The following PDE4D variants were observed in gnomAD, a reference collection of about 807,000 sequenced individuals.
The protein encoded by PDE4D is 3',5'-cyclic-AMP phosphodiesterase 4D.
Under a neutral mutation model 87.4 loss-of-function variants are expected in PDE4D, and 24 were observed. That is an observed-to-expected ratio of 0.27 (90% CI 0.20 to 0.39). The LOEUF is 0.39. Ranked by LOEUF, PDE4D falls within the 10% of genes least tolerant of loss-of-function variation. The pLI, the probability that PDE4D is intolerant of heterozygous loss-of-function variation, is 1.00. For missense variants in PDE4D, 714 were observed against 1,041.0 expected (o/e 0.69, Z 4.32); for synonymous variants, 384 against 383.2 (o/e 1.00, Z -0.02).
chr5:60,404,161 C>CTTTTT (rs35780128), intron 1 of PDE4D, among the ~76,000 whole-genome samples: 17 of 119,392 alleles, frequency 1.4e-4, no homozygotes, highest in Non-Finnish European at 2.6e-4. Flanking sequence ...TCAGCCAATT[C>CTTTTT]TTTTTTTTTT....
chr5:59,100,604 T>C (rs987464460), intron 5 of PDE4D, among the ~76,000 whole-genome samples: 4 of 152,194 alleles, frequency 2.6e-5, no homozygotes, highest in Non-Finnish European at 5.9e-5. Flanking sequence ...TTCAGTTGAC[T>C]GTGAATACAG....
chr5:60,104,154 C>T (rs915490257), intron 2 of PDE4D, among the ~76,000 whole-genome samples: 2 of 152,198 alleles, frequency 1.3e-5, no homozygotes, highest in Admixed American at 6.5e-5. Flanking sequence ...GTCACTCCCA[C>T]CCAAATACTG....
intron 1 of PDE4D, among the ~76,000 whole-genome samples, chr5:59,581,042 C>G (rs1583208600): frequency 6.6e-6 from 1 of 152,092 alleles, no homozygotes; most frequent in South Asian, 2.1e-4. Context: ...GCTGGTACTT[C>G]TCAAACAACT....
intron 1 of PDE4D, among the ~76,000 whole-genome samples, chr5:59,771,466 A>AAAGAAAGAGAGAGAGAG (rs1763472423): frequency 1.3e-5 from 1 of 76,444 alleles, no homozygotes; most frequent in African/African-American, 5.9e-5. Flanking sequence ...AGAAAGAAAG[A>AAAGAAAGAGAGAGAGAG]AAGAAAGAAA....
chr5:59,931,948 G>T (rs1220860148), intron 3 of PDE4D, among the ~76,000 whole-genome samples: 1 of 152,062 alleles, frequency 6.6e-6, no homozygotes, highest in African/African-American at 2.4e-5. Context: ...TAATCTGCCC[G>T]CCTTGGCCTC....
chr5:59,517,180 A>G (rs1811317377), intron 1 of PDE4D, among the ~76,000 whole-genome samples: 1 of 152,190 alleles, frequency 6.6e-6, no homozygotes, highest in African/African-American at 2.4e-5. Flanking sequence ...AGGTCATCTC[A>G]TTTTAAGATT....
At chr5:60,380,943 C>T (rs957753966) in intron 1 of PDE4D, among the ~76,000 whole-genome samples, 3 of 152,128 alleles carry the variant, frequency 2.0e-5, no homozygotes, top group East Asian at 1.9e-4. Flanking sequence ...GGTGATTTTT[C>T]GTGCATGTGT....
At chr5:59,895,898 T>C (rs780966088), upstream of PDE4D, among the ~76,000 whole-genome samples, 4 of 152,236 alleles carry the variant, frequency 2.6e-5, no homozygotes, top group Non-Finnish European at 4.4e-5. Context: ...GAAAACTTTA[T>C]CTTTTATATA....
intron 11 of PDE4D, among the ~76,000 whole-genome samples, chr5:58,987,443 G>A (rs2153332885): frequency 6.6e-6 from 1 of 152,288 alleles, no homozygotes; most frequent in South Asian, 2.1e-4. Flanking sequence ...GGATAGTCCA[G>A]AGGCCATTAT....
intron 2 of PDE4D, among the ~76,000 whole-genome samples, chr5:60,080,445 C>A (rs1474819091): frequency 6.6e-6 from 1 of 152,182 alleles, no homozygotes; most frequent in Non-Finnish European, 1.5e-5. Context: ...GAGAGGGCAT[C>A]CTTGTCTTGT....
At chr5:60,119,189 T>C (rs1055182777) in intron 2 of PDE4D, among the ~76,000 whole-genome samples, 1 of 152,212 alleles carries the variant, frequency 6.6e-6, no homozygotes, top group African/African-American at 2.4e-5. Flanking sequence ...TTGATGATAT[T>C]AACCTTATGC....
At chr5:59,928,413 A>T (rs1010619886) in intron 3 of PDE4D, among the ~76,000 whole-genome samples, 1 of 149,564 alleles carries the variant, frequency 6.7e-6, no homozygotes, top group Non-Finnish European at 1.5e-5. Context: ...CACCGTCTCT[A>T]CCGAAAATAC....
intron 1 of PDE4D, among the ~76,000 whole-genome samples, chr5:59,754,968 A>C (rs2150745597): frequency 6.6e-6 from 1 of 152,266 alleles, no homozygotes; most frequent in Non-Finnish European, 1.5e-5. Context: ...GAACAGAAGA[A>C]CTTCTGCAAG....
At chr5:59,284,505 C>T (rs550383923) in intron 1 of PDE4D, among the ~76,000 whole-genome samples, 4 of 151,954 alleles carry the variant, frequency 2.6e-5, no homozygotes, top group Admixed American at 2.6e-4. Flanking sequence ...ATCAAAACCA[C>T]TATGAGATAT....
intron 1 of PDE4D, among the ~76,000 whole-genome samples, chr5:59,807,128 T>C (rs1420015916): frequency 6.6e-6 from 1 of 152,052 alleles, no homozygotes; most frequent in African/African-American, 2.4e-5. Context: ...TCCAGGGCAT[T>C]GGGTTCTAAG....
At chr5:60,290,349 T>C (rs1316866198) in intron 1 of PDE4D, among the ~76,000 whole-genome samples, 1 of 151,764 alleles carries the variant, frequency 6.6e-6, no homozygotes, top group African/African-American at 2.4e-5. Context: ...GGAAACAAAA[T>C]GTATAAGGAA....
chr5:59,340,135 T>C (rs111644570), intron 1 of PDE4D, among the ~76,000 whole-genome samples: 2,864 of 152,222 alleles, frequency 0.019, 104 homozygotes, highest in African/African-American at 0.066. Flanking sequence ...CAATTTTTTT[T>C]CCCTAGAAAC....
chr5:59,588,117 T>G (rs1388046806), intron 1 of PDE4D, among the ~76,000 whole-genome samples: 1 of 152,130 alleles, frequency 6.6e-6, no homozygotes, highest in Non-Finnish European at 1.5e-5. Flanking sequence ...TCTGCAGAAG[T>G]CAGTTGTACT....
At chr5:60,124,854 C>G (rs1352624010) in intron 2 of PDE4D, among the ~76,000 whole-genome samples, 1 of 152,112 alleles carries the variant, frequency 6.6e-6, no homozygotes. Context: ...CCAAGGTCTT[C>G]TCAGTGCTAA....
Sources: allele counts gnomAD v4.1 joint callset (sites outside exome capture counted in the v4.1 genomes callset), GRCh38; gene constraint gnomAD v4.1.1; transcripts MANE v1.5; gene names NCBI Gene and HGNC (gene_info 2026-07-23, HGNC 2026-07-21).